Variants in ADAMTSL3 observed in about 807,000 individuals in gnomAD.
The protein encoded by ADAMTSL3 is ADAMTS-like protein 3.
A neutral mutation model predicts 201.7 loss-of-function variants in ADAMTSL3; 128 were observed. The observed-to-expected ratio is 0.63, with a 90% CI of 0.55 to 0.73. The LOEUF (loss-of-function observed/expected upper bound fraction) is 0.73, where lower values mean the gene tolerates loss of function less well. Ranked by LOEUF, ADAMTSL3 falls within the 30% of genes least tolerant of loss-of-function variation. The pLI is 0.00. For synonymous variants in ADAMTSL3, 738 were observed against 748.4 expected (o/e 0.99, Z 0.23); for missense variants, 1,990 against 2,119.6 (o/e 0.94, Z 1.20).
intron 4 of ADAMTSL3, among the ~76,000 whole-genome samples, chr15:83,774,631 C>A (rs1208212932): frequency 2.6e-5 from 4 of 152,270 alleles, no homozygotes; most frequent in African/African-American, 9.6e-5. Flanking sequence ...ATGGAAGCTT[C>A]AGTAAAGCAT....
chr15:83,949,456 G>A (rs535330597), intron 19 of ADAMTSL3, among the ~76,000 whole-genome samples: 3 of 152,114 alleles, frequency 2.0e-5, no homozygotes, highest in East Asian at 1.9e-4. Flanking sequence ...TTGTGAATAC[G>A]GCTGTGGTAT....
intron 3 of ADAMTSL3, among the ~76,000 whole-genome samples, chr15:83,773,030 A>G (rs1229203822): frequency 6.6e-6 from 1 of 152,182 alleles, no homozygotes; most frequent in Non-Finnish European, 1.5e-5. Context: ...ATCTCGACAA[A>G]ACCTTAAGGT....
intron 3 of ADAMTSL3, among the ~76,000 whole-genome samples, chr15:83,748,255 A>T (rs921705053): frequency 6.6e-6 from 1 of 152,132 alleles, no homozygotes; most frequent in Non-Finnish European, 1.5e-5. Context: ...GTTGAAGTGG[A>T]TCGTCAGTTC....
chr15:83,811,612 G>A (rs2063698905), intron 5 of ADAMTSL3, among the ~76,000 whole-genome samples: 1 of 152,308 alleles, frequency 6.6e-6, no homozygotes, highest in African/African-American at 2.4e-5. Context: ...TGGGCCTTGG[G>A]GGTTACCTGT....
intron 20 of ADAMTSL3, among the ~76,000 whole-genome samples, chr15:83,971,822 A>G (rs2067201923): frequency 6.7e-6 from 1 of 149,746 alleles, no homozygotes; most frequent in African/African-American, 2.4e-5. Flanking sequence ...TGGTAAGGAA[A>G]AAAATTAAAA....
At chr15:83,909,236 GT>G (rs1016330776) in intron 15 of ADAMTSL3, among the ~76,000 whole-genome samples, 1 of 152,192 alleles carries the variant, frequency 6.6e-6, no homozygotes, top group African/African-American at 2.4e-5. Context: ...CACCTGTAAA[GT>G]CCCTTTTGCT....
chr15:83,711,533 A>G (rs1375202197), intron 3 of ADAMTSL3, among the ~76,000 whole-genome samples: 3 of 152,246 alleles, frequency 2.0e-5, no homozygotes, highest in Non-Finnish European at 4.4e-5. Flanking sequence ...GTTAGTAAGT[A>G]ATCTCGGTCA....
At chr15:83,928,238 C>T (rs1373215297) in intron 17 of ADAMTSL3, among the ~76,000 whole-genome samples, 1 of 152,074 alleles carries the variant, frequency 6.6e-6, no homozygotes, top group African/African-American at 2.4e-5. Flanking sequence ...CAGCCTTGAC[C>T]TCCTGGGCTC....
intron 23 of ADAMTSL3, among the ~76,000 whole-genome samples, chr15:84,013,690 C>G (rs775028461): frequency 6.6e-6 from 1 of 152,178 alleles, no homozygotes; most frequent in African/African-American, 2.4e-5. Flanking sequence ...GGGAGGGTCA[C>G]TTGAGCCCAG....
intron 2 of ADAMTSL3, among the ~76,000 whole-genome samples, chr15:83,671,225 A>G (rs2061325409): frequency 6.6e-6 from 1 of 152,194 alleles, no homozygotes; most frequent in South Asian, 2.1e-4. Context: ...GTCTGTTTAA[A>G]TTGCACAGAA....
At chr15:83,762,199 A>G (rs554469960) in intron 3 of ADAMTSL3, among the ~76,000 whole-genome samples, 12 of 152,042 alleles carry the variant, frequency 7.9e-5, no homozygotes, top group Non-Finnish European at 1.6e-4. Flanking sequence ...TACTGGTGTG[A>G]GCCACTGCGC....
intron 17 of ADAMTSL3, among the ~76,000 whole-genome samples, chr15:83,924,711 A>G (rs890963159): frequency 6.6e-6 from 1 of 152,320 alleles, no homozygotes; most frequent in Non-Finnish European, 1.5e-5. Context: ...TGCTGGCTAC[A>G]GAGGGTGATA....
chr15:83,702,467 C>G (rs751297763), intron 2 of ADAMTSL3, among the ~76,000 whole-genome samples: 4 of 152,126 alleles, frequency 2.6e-5, no homozygotes, highest in Non-Finnish European at 4.4e-5. Flanking sequence ...GCCTGGAGGC[C>G]CAAGAGGAAA....
intron 19 of ADAMTSL3, among the ~76,000 whole-genome samples, chr15:83,962,735 C>T (rs2066997140): frequency 1.3e-5 from 2 of 150,852 alleles, no homozygotes; most frequent in Admixed American, 1.3e-4. Flanking sequence ...GCAAGATGGC[C>T]AAATAGGAAC....
intron 2 of ADAMTSL3, among the ~76,000 whole-genome samples, chr15:83,678,694 C>G (rs927309271): frequency 1.4e-5 from 2 of 145,782 alleles, no homozygotes; most frequent in Non-Finnish European, 3.0e-5. Context: ...AAAATTTTAG[C>G]CATTATTTCT....
intron 2 of ADAMTSL3, chr15:83,694,491 A>T (rs979780137): frequency 1.3e-5 from 2 of 152,152 alleles, no homozygotes; most frequent in Non-Finnish European, 2.9e-5. Context: ...TTTAAAGTAG[A>T]CTTATTTCCA....
chr15:83,785,292 A>G (rs1567143341), intron 4 of ADAMTSL3, among the ~76,000 whole-genome samples: 1 of 152,222 alleles, frequency 6.6e-6, no homozygotes, highest in African/African-American at 2.4e-5. Flanking sequence ...ATTTCAGGAA[A>G]AAGTTGTAGG....
chr15:83,839,236 G>A (rs893406227), intron 7 of ADAMTSL3, among the ~76,000 whole-genome samples: 1 of 152,084 alleles, frequency 6.6e-6, no homozygotes, highest in Non-Finnish European at 1.5e-5. Context: ...TGTAAAGTCG[G>A]CATCTTACTT....
chr15:83,705,989 A>G (rs1401607654), intron 3 of ADAMTSL3, among the ~76,000 whole-genome samples: 2 of 152,188 alleles, frequency 1.3e-5, no homozygotes, highest in Non-Finnish European at 2.9e-5. Flanking sequence ...TTTGCATTGT[A>G]GAGCCCAAAC....
Sources: allele counts gnomAD v4.1 joint callset (sites outside exome capture counted in the v4.1 genomes callset), GRCh38; gene constraint gnomAD v4.1.1; transcripts MANE v1.5; gene names NCBI Gene and HGNC (gene_info 2026-07-23, HGNC 2026-07-21).